Variants in KCNQ5 observed in about 807,000 individuals in gnomAD.
The protein encoded by KCNQ5 is potassium voltage-gated channel subfamily KQT member 5.
In KCNQ5, 30 loss-of-function variants were observed where a neutral mutation model predicts 98.2. That is an observed-to-expected ratio of 0.31 (90% confidence interval 0.23 to 0.41). KCNQ5 has a LOEUF of 0.41. Among genes scored for constraint, KCNQ5 ranks in the 10% least tolerant of loss-of-function variants. The pLI is 1.00. For missense variants in KCNQ5, 835 were observed against 1,182.5 expected (o/e 0.71, Z 4.31); for synonymous variants, 458 against 449.4 (o/e 1.02, Z -0.24).
intron 7 of KCNQ5, among the ~76,000 whole-genome samples, chr6:73,119,000 G>T (rs773369450): frequency 1.3e-5 from 2 of 152,188 alleles, no homozygotes; most frequent in Middle Eastern, 3.2e-3. Flanking sequence ...CAGCCTGGGG[G>T]ACAGAGGGAG....
At chr6:73,158,033 G>A (rs1311853014) in intron 10 of KCNQ5, 4 of 687,822 alleles carry the variant, frequency 5.8e-6, no homozygotes, top group Admixed American at 1.8e-5. Context: ...CCATGGGGAG[G>A]CCGCTGATAG....
At chr6:72,825,660 C>G (rs989158641) in intron 1 of KCNQ5, among the ~76,000 whole-genome samples, 4 of 152,084 alleles carry the variant, frequency 2.6e-5, no homozygotes, top group African/African-American at 9.7e-5. Context: ...CTTGGAGGGC[C>G]TTGGAGAAGC....
At chr6:73,157,508 A>G in intron 10 of KCNQ5, 1 of 713,254 alleles carries the variant, frequency 1.4e-6, no homozygotes, top group East Asian at 2.7e-5. Context: ...CGGTGACCAG[A>G]CTGAAGAACT....
chr6:72,874,680 G>A (rs954380475), intron 1 of KCNQ5, among the ~76,000 whole-genome samples: 1 of 152,068 alleles, frequency 6.6e-6, no homozygotes. Flanking sequence ...ACTGTGCTTG[G>A]TACCTAACAT....
chr6:72,637,517 ACTTCCCAGTGCAG>A (rs1459289016), intron 1 of KCNQ5, among the ~76,000 whole-genome samples: 1 of 152,088 alleles, frequency 6.6e-6, no homozygotes, highest in African/African-American at 2.4e-5. Flanking sequence ...TAAGAGTGGT[ACTTCCCAGTGCAG>A]CTAAGGTCAA....
chr6:72,801,246 AT>A (rs1467855628), intron 1 of KCNQ5, among the ~76,000 whole-genome samples: 1 of 148,406 alleles, frequency 6.7e-6, no homozygotes, highest in Admixed American at 6.7e-5. Flanking sequence ...TCCCATTATT[AT>A]TGTGTGGGAG....
chr6:72,998,038 T>C (rs1333720258), intron 1 of KCNQ5, among the ~76,000 whole-genome samples: 6 of 152,218 alleles, frequency 3.9e-5, no homozygotes, highest in Admixed American at 6.5e-5. Flanking sequence ...GGAAACATTA[T>C]GCATAAAGGA....
At chr6:73,044,352 T>G (rs913835315) in intron 3 of KCNQ5, among the ~76,000 whole-genome samples, 1 of 152,244 alleles carries the variant, frequency 6.6e-6, no homozygotes, top group East Asian at 1.9e-4. Flanking sequence ...TTTCTTTATT[T>G]AGATATTTTA....
intron 10 of KCNQ5, among the ~76,000 whole-genome samples, chr6:73,145,499 G>A (rs1321214796): frequency 6.6e-6 from 1 of 152,136 alleles, no homozygotes; most frequent in East Asian, 1.9e-4. Context: ...AGTAAATATG[G>A]CAAGTCTGCT....
intron 6 of KCNQ5, among the ~76,000 whole-genome samples, chr6:73,107,336 C>G (rs969458029): frequency 6.6e-6 from 1 of 152,110 alleles, no homozygotes; most frequent in African/African-American, 2.4e-5. Context: ...GATAAACTCA[C>G]CTATATGGTT....
In KCNQ5 at chr6:73,169,857, T is replaced by C. The variant is rs1275452155; in HGVS notation, c.1577+3T>C. The stretch of plus-strand genomic sequence containing the variant: ...AAAACTGTCATTCGAGCTATCAGGT[T>C]GGTGAAAATCTTGAACAACGTGATT... On this transcript the variant is annotated splice_donor_region_variant and intron_variant, in intron 11 of 13. Coordinates refer to ENST00000370398, the MANE Select transcript of KCNQ5 (RefSeq NM_019842.4). The C allele has an allele frequency of 5.7e-6, 9 of 1,586,110 alleles. No homozygotes were observed. The highest frequency in any genetic ancestry group is 7.8e-6 in the Non-Finnish European group (9 of 1,154,422).
intron 1 of KCNQ5, among the ~76,000 whole-genome samples, chr6:72,690,383 G>T (rs1403194672): frequency 6.6e-6 from 1 of 151,672 alleles, no homozygotes; most frequent in Non-Finnish European, 1.5e-5. Flanking sequence ...TTTTTTACCT[G>T]CTTCTGAATC....
chr6:73,114,818 T>C (rs9442890), intron 7 of KCNQ5, among the ~76,000 whole-genome samples: 5,735 of 152,242 alleles, frequency 0.038, 355 homozygotes, highest in African/African-American at 0.13. Context: ...TAAATGTTGG[T>C]AGGGATAGAT....
intron 10 of KCNQ5, chr6:73,158,086 G>A: frequency 1.9e-6 from 1 of 520,528 alleles, no homozygotes; most frequent in Non-Finnish European, 3.6e-6. Context: ...AACCCGCGCT[G>A]GAGCCAGTAC....
At chr6:73,116,487 G>A (rs1036433290) in intron 7 of KCNQ5, among the ~76,000 whole-genome samples, 2 of 152,044 alleles carry the variant, frequency 1.3e-5, no homozygotes, top group Non-Finnish European at 2.9e-5. Flanking sequence ...GCAACATAGC[G>A]AGACCCCACC....
intron 5 of KCNQ5, among the ~76,000 whole-genome samples, chr6:73,096,366 C>A (rs1774499112): frequency 7.2e-6 from 1 of 139,118 alleles, no homozygotes; most frequent in African/African-American, 2.7e-5. Context: ...GCTTGGTGTG[C>A]TGATGAATAG....
Position 72,695,524 on chromosome 6 carries a change from C to T in KCNQ5, c.398+72937C>T, listed in dbSNP as rs138503836. Among the ~76,000 whole-genome samples the T allele has an allele frequency of 4.6e-3, 702 of 152,240 alleles. 6 individuals are homozygous for T. Among genetic ancestry groups the T allele is most frequent in the African/African-American group, 0.015 (640 of 41,548 alleles). On this transcript the variant is annotated intron_variant, in intron 1 of 13. Transcript: ENST00000370398. ...CCATCCCATTCACCTCTTTTCCTCTCTGAATGTTATTATCTTTAAATGTTC... is the reference window on the plus strand; with the variant it reads ...CCATCCCATTCACCTCTTTTCCTCTTTGAATGTTATTATCTTTAAATGTTC...
At chr6:73,194,382 A>G in intron 13 of KCNQ5, 70 bp from the exon 14 acceptor site, 1 of 1,439,842 alleles carries the variant, frequency 6.9e-7, no homozygotes, top group Non-Finnish European at 9.4e-7. Context: ...TTCATTTTTC[A>G]AAATTAAAAA....
Position 73,196,034 on chromosome 6 carries a change from T to C in KCNQ5, c.*620T>C, listed in dbSNP as rs1765780734. 6.5e-6 allele frequency: 1 copy of C among 153,046 alleles called. No individual in the cohort carries two copies. The highest frequency in any genetic ancestry group is 2.4e-5 in the African/African-American group (1 of 41,460). 9.5% of individuals were successfully genotyped at this position (153,046 alleles called of 1,614,324 possible). On this transcript the variant is annotated 3_prime_UTR_variant, in exon 14 of 14. Transcript: ENST00000370398. ...ATTTTGCACATCATTTTCATGTTGTTCTTTATGACAAGAATGTTCTTCAAT... is the reference window on the plus strand; with the variant it reads ...ATTTTGCACATCATTTTCATGTTGTCCTTTATGACAAGAATGTTCTTCAAT...
Sources: gnomAD v4.1 joint callset for allele counts (sites outside exome capture counted in the v4.1 genomes callset) on GRCh38, gnomAD v4.1.1 for gene constraint, MANE v1.5 for transcripts, NCBI Gene and HGNC (gene_info 2026-07-23, HGNC 2026-07-21) for gene names.